The following INTS1 variants were observed in gnomAD, a reference collection of about 807,000 sequenced individuals.
INTS1 encodes integrator complex subunit 1.
A neutral mutation model predicts 241.6 loss-of-function variants in INTS1; 137 were observed. That is an observed-to-expected ratio of 0.57 (90% CI 0.49 to 0.65). The LOEUF (loss-of-function observed/expected upper bound fraction) is 0.65. INTS1 is among the 30% of genes least tolerant of loss of function. The pLI is 0.00. For missense variants in INTS1, 3,073 were observed against 3,032.2 expected (o/e 1.01, Z -0.32); for synonymous variants, 1,692 against 1,337.8 (o/e 1.26, Z -5.78).
rs1451817370 is a variant in INTS1 at position 1,498,395 on chromosome 7, A to G, written c.1425+17T>C. 1.9e-6 allele frequency: 3 copies of G among 1,613,114 alleles called. No homozygotes were observed. Among genetic ancestry groups the G allele is most frequent in the South Asian group, 2.2e-5 (2 of 90,960 alleles). On this transcript the variant is annotated intron_variant, in intron 10 of 47. Transcript: ENST00000404767. ...ATATTCCGGCGTGGAGGGCAAGGCC[A>G]GGGACCCTGGGCCTACCTTGGGCGC...
intron 18 of INTS1, 66 bp from the exon 19 acceptor site, chr7:1,488,023 C>T: frequency 2.6e-6 from 4 of 1,549,150 alleles, no homozygotes; most frequent in Non-Finnish European, 3.6e-6. Flanking sequence ...GTGGGCCACG[C>T]TCAGGGTCAA....
intron 43 of INTS1, 71 bp from the exon 44 acceptor site, chr7:1,472,457 G>C: frequency 9.9e-6 from 11 of 1,112,802 alleles, no homozygotes; most frequent in Non-Finnish European, 1.4e-5. Flanking sequence ...ACCAGGACCT[G>C]CCCTCCCGAG....
chr7:1,474,105 C>T (rs544923563), intron 41 of INTS1, 63 bp downstream of exon 41: 3 of 1,475,990 alleles, frequency 2.0e-6, no homozygotes, highest in East Asian at 4.7e-5. Flanking sequence ...GTGGGTGAGG[C>T]AGGCCTGGGC....
Position 1,487,057 on chromosome 7 carries a change from G to A in INTS1, c.2691C>T (p.Ser897=), listed in dbSNP as rs746321437. Residue 897 remains serine (S), a synonymous_variant, in exon 21 of 48, where the codon TCC becomes TCT. Transcript: ENST00000404767. ...SMPWLADLVQ[S]SEGSLDVLPV... ...GCAGCACGTCCAGGGAGCCCTCGCT[G>A]GACTGTACCAGGTCCGCCAGCCAGG... is the stretch of plus-strand genomic sequence containing the variant. 3 of 1,568,330 alleles carry A rather than the reference G, an allele frequency of 1.9e-6. No homozygotes were observed. Among genetic ancestry groups the A allele is most frequent in the East Asian group, 2.3e-5 (1 of 42,588 alleles).
chr7:1,471,151 G>A lies in INTS1; in HGVS notation c.6329C>T (p.Ser2110Phe). Residue 2110 changes from serine to phenylalanine, a missense_variant, in exon 46 of 48, where the codon TCC (serine) becomes TTC (phenylalanine). Coordinates refer to ENST00000404767, the MANE Select transcript of INTS1 (RefSeq NM_001080453.3). ...RNLAFSLALRSMQNSPSIAAA... is the reference protein window; with the variant it reads ...RNLAFSLALRFMQNSPSIAAA... Reference sequence around the variant, plus strand: ...GCCTCACCTGGGGCTGTTCTGCATGGAGCGCAGGGCCAGGCTGAAGGCGAG... The same window carrying A: ...GCCTCACCTGGGGCTGTTCTGCATGAAGCGCAGGGCCAGGCTGAAGGCGAG... 3 of 1,575,566 alleles carry A rather than the reference G, an allele frequency of 1.9e-6. No individual in the cohort carries two copies. Among genetic ancestry groups the A allele is most frequent in the Non-Finnish European group, 2.6e-6 (3 of 1,161,946 alleles).
intron 38 of INTS1, 41 bp downstream of exon 38, chr7:1,476,188 C>T: frequency 6.5e-7 from 1 of 1,535,164 alleles, no homozygotes; most frequent in Non-Finnish European, 8.8e-7. Context: ...CCCTCCATGG[C>T]TCACTCCCAG....
intron 41 of INTS1, 114 bp from the exon 42 acceptor site, chr7:1,473,807 C>T: frequency 7.4e-7 from 1 of 1,346,244 alleles, no homozygotes; most frequent in Non-Finnish European, 1.0e-6. Context: ...CCAACGAGCC[C>T]CCTCTGCCAA....
chr7:1,499,883 C>T lies in INTS1; in HGVS notation c.684+1G>A. 6.2e-7 allele frequency: 1 copy of T among 1,612,006 alleles called. No homozygotes were observed. Among genetic ancestry groups the T allele is most frequent in the South Asian group, 1.1e-5 (1 of 90,896 alleles). The stretch of plus-strand genomic sequence containing the variant: ...TCACCGTCCCGGGAGAGGACGCTCA[C>T]CTTGACAAAGATCTCGGGCCAGTTC... On this transcript the variant is annotated splice_donor_variant, in intron 5 of 47. Coordinates refer to ENST00000404767, the MANE Select transcript of INTS1 (RefSeq NM_001080453.3). LOFTEE classifies it high-confidence loss of function.
chr7:1,478,046 A>G (rs2128534513), intron 33 of INTS1, 110 bp from the exon 34 acceptor site: 1 of 929,308 alleles, frequency 1.1e-6, no homozygotes, highest in Non-Finnish European at 1.7e-6. Context: ...GTGGGACACA[A>G]GAGCAGAGTC....
intron 9 of INTS1, 61 bp from the exon 10 acceptor site, chr7:1,498,614 G>A (rs1294070326): frequency 3.1e-6 from 5 of 1,587,780 alleles, no homozygotes; most frequent in African/African-American, 2.9e-5. Context: ...CTCCGCCTGT[G>A]CCCCCACTCC....
intron 31 of INTS1, 110 bp downstream of exon 31, chr7:1,479,320 A>T (rs542059659): frequency 7.8e-7 from 1 of 1,285,314 alleles, no homozygotes; most frequent in South Asian, 1.4e-5. Context: ...CTCACTTGGA[A>T]ACTGAGACCC....
chr7:1,474,850 G>T lies in INTS1; in HGVS notation c.5503-12C>A. Reference sequence around the variant, plus strand: ...ATGAGTCCGTCCAGCTGCAGGGAGGGGCGCTCTGAGGCCGGGGCCGCTGGC... The same window carrying T: ...ATGAGTCCGTCCAGCTGCAGGGAGGTGCGCTCTGAGGCCGGGGCCGCTGGC... On this transcript the variant is annotated splice_polypyrimidine_tract_variant and intron_variant, in intron 39 of 47. Coordinates refer to ENST00000404767, the MANE Select transcript of INTS1 (RefSeq NM_001080453.3). 6.3e-7 allele frequency: 1 copy of T among 1,575,274 alleles called. No homozygotes were observed.
chr7:1,494,061 A>G, intron 14 of INTS1, 150 bp from the exon 15 acceptor site: 1 of 1,028,934 alleles, frequency 9.7e-7, no homozygotes, highest in Non-Finnish European at 1.4e-6. Flanking sequence ...CTCCAACCTG[A>G]GCCTCCCTTT....
At chr7:1,495,618 T>TG in intron 12 of INTS1, 65 bp from the exon 13 acceptor site, 1 of 1,553,032 alleles carries the variant, frequency 6.4e-7, no homozygotes, top group South Asian at 1.2e-5. Flanking sequence ...AAGGCACCCC[T>TG]GGGGGTCCAA....
At chr7:1,471,953 A>G (rs62435331) in intron 44 of INTS1, among the ~76,000 whole-genome samples, 81,746 of 152,088 alleles carry the variant, frequency 0.54, 23,820 homozygotes, top group African/African-American at 0.77. Flanking sequence ...GTCCTCTGAC[A>G]GCGGCCACCG....
Position 1,498,529 on chromosome 7 carries a change from G to A in INTS1, c.1308C>T (p.Asp436=), listed in dbSNP as rs779961740. 31 of 1,613,732 alleles carry A rather than the reference G, an allele frequency of 1.9e-5. No homozygotes were observed. The highest frequency in any genetic ancestry group is 2.6e-5 in the Non-Finnish European group (31 of 1,179,876). ...CIRELLSAHK[D]NLGTTIKLVI... The stretch of plus-strand genomic sequence containing the variant: ...CCAACTTGATGGTGGTGCCCAGGTT[G>A]TCCTTGTGCGCGCTCAGCAGCTCCC... Residue 436 remains aspartate (D), a synonymous_variant, in exon 10 of 48, where the codon GAC becomes GAT. Coordinates refer to ENST00000404767, the MANE Select transcript of INTS1 (RefSeq NM_001080453.3).
Position 1,476,892 on chromosome 7 carries a change from CG to C in INTS1, c.4964del (p.Ser1655CysfsTer7). ...RKGKGQAQVPSFRPYLLTLFT... is the reference protein window; with the variant it reads ...RKGKGQAQVPXFRPYLLTLFT... ...AGAGGGTCAGGAGGTAGGGACGGAA[CG>C]AGGGCACCTGGGCCTGACCTTTGCC... On this transcript the variant is annotated frameshift_variant, in exon 36 of 48. Coordinates refer to ENST00000404767, the MANE Select transcript of INTS1 (RefSeq NM_001080453.3). LOFTEE classifies it high-confidence loss of function. The C allele has an allele frequency of 6.2e-7, 1 of 1,612,156 alleles. No homozygotes were observed. The highest frequency in any genetic ancestry group is 8.5e-7 in the Non-Finnish European group (1 of 1,179,672).
At chr7:1,483,508 C>G in intron 26 of INTS1, 1 of 590,822 alleles carries the variant, frequency 1.7e-6, no homozygotes, top group Non-Finnish European at 3.1e-6. Flanking sequence ...GCTCAGGGCT[C>G]TACAGGCTGG....
In INTS1 at chr7:1,483,995, G is replaced by A. The variant is rs760890275; in HGVS notation, c.3429+8C>T. 3.1e-6 allele frequency: 5 copies of A among 1,603,756 alleles called. No individual in the cohort carries two copies. The highest frequency in any genetic ancestry group is 2.2e-5 in the East Asian group (1 of 44,626). ...CCCTCACCCGGCCGTAGACCTCCTCGCCCTCACCCAGCTGTAGACCTCCTC... is the reference window on the plus strand; with the variant it reads ...CCCTCACCCGGCCGTAGACCTCCTCACCCTCACCCAGCTGTAGACCTCCTC... On this transcript the variant is annotated splice_region_variant and intron_variant, in intron 25 of 47. Coordinates refer to ENST00000404767, the MANE Select transcript of INTS1 (RefSeq NM_001080453.3).
Sources: gnomAD v4.1 joint callset for allele counts (sites outside exome capture counted in the v4.1 genomes callset) on GRCh38, gnomAD v4.1.1 for gene constraint, MANE v1.5 for transcripts, NCBI Gene and HGNC (gene_info 2026-07-23, HGNC 2026-07-21) for gene names.